Variants in CAMK4 observed in about 807,000 individuals in gnomAD.
CAMK4 encodes calcium/calmodulin dependent protein kinase IV, also known as calcium/calmodulin-dependent protein kinase type IV.
Under a neutral mutation model 44.9 loss-of-function variants are expected in CAMK4, and 22 were observed. The ratio of observed to expected loss-of-function variants is 0.49; its 90% CI spans 0.35 to 0.70. The LOEUF (loss-of-function observed/expected upper bound fraction) is 0.70. CAMK4 is among the 30% of genes least tolerant of loss of function. CAMK4 has a pLI of 0.01. For missense variants in CAMK4, 498 were observed against 586.8 expected, an observed-to-expected ratio of 0.85 and a Z score of 1.56; for synonymous variants, 218 against 215.4, an observed-to-expected ratio of 1.01 and a Z score of -0.11.
intron 6 of CAMK4, among the ~76,000 whole-genome samples, chr5:111,447,375 C>T (rs1214967253): frequency 6.6e-6 from 1 of 152,134 alleles, no homozygotes; most frequent in Non-Finnish European, 1.5e-5. Flanking sequence ...AAAAGTTAAA[C>T]AAGATTTGTA....
intron 1 of CAMK4, among the ~76,000 whole-genome samples, chr5:111,310,833 T>C (rs759124949): frequency 3.3e-5 from 5 of 152,176 alleles, no homozygotes; most frequent in Non-Finnish European, 7.4e-5. Flanking sequence ...ATGAAACATT[T>C]ATTTATGTGC....
intron 1 of CAMK4, among the ~76,000 whole-genome samples, chr5:111,311,730 T>C (rs1748212570): frequency 1.3e-5 from 2 of 152,192 alleles, no homozygotes; most frequent in Admixed American, 6.5e-5. Context: ...GACATCAAAT[T>C]GTTCTCAAAT....
rs148486855 is a variant in CAMK4 at position 111,243,337 on chromosome 5, G to A, written c.161+18693G>A. On this transcript the variant is annotated intron_variant, in intron 1 of 10. Coordinates refer to ENST00000282356, the MANE Select transcript of CAMK4 (RefSeq NM_001744.6). ...GTGATCAGGCATCACCTGGGGAAGA[G>A]TGAAGGATGAGGAACTTGATCAGAC... 9.6e-3 allele frequency among the ~76,000 whole-genome samples: 1,461 copies of A among 152,332 alleles called. 19 individuals carry two copies. The highest frequency in any genetic ancestry group is 0.016 in the Non-Finnish European group (1,078 of 68,036).
At chr5:111,333,388 A>G (rs1052354146) in intron 1 of CAMK4, among the ~76,000 whole-genome samples, 3 of 143,810 alleles carry the variant, frequency 2.1e-5, no homozygotes, top group African/African-American at 7.4e-5. Flanking sequence ...AGCTAACAAT[A>G]TGATGCATAA....
intron 5 of CAMK4, among the ~76,000 whole-genome samples, chr5:111,405,292 AC>A (rs1752379551): frequency 6.6e-6 from 1 of 152,076 alleles, no homozygotes; most frequent in Non-Finnish European, 1.5e-5. Flanking sequence ...ACGTGGTGAA[AC>A]CCCATCTCTA....
At chr5:111,467,106 A>C (rs1025480738) in intron 7 of CAMK4, among the ~76,000 whole-genome samples, 1 of 152,140 alleles carries the variant, frequency 6.6e-6, no homozygotes, top group African/African-American at 2.4e-5. Context: ...CTATTCGACA[A>C]ATGGTGATGG....
chr5:111,420,837 C>T (rs1452763133), intron 5 of CAMK4, among the ~76,000 whole-genome samples: 2 of 152,176 alleles, frequency 1.3e-5, no homozygotes, highest in African/African-American at 4.8e-5. Flanking sequence ...TGAACAATTG[C>T]TGTTATCCTG....
At chr5:111,223,610 C>G (rs537102461), upstream of CAMK4, 7 of 152,414 alleles carry the variant, frequency 4.6e-5, no homozygotes, top group East Asian at 1.4e-3. The surrounding 1 kb of genome is among the most constrained non-coding windows in gnomAD (Gnocchi z 4.3). Flanking sequence ...TCGACACAGC[C>G]AAGTATCTCC....
chr5:111,346,825 A>ACAAACAAACAAACAAG (rs1206975617), intron 2 of CAMK4, among the ~76,000 whole-genome samples: 1 of 140,158 alleles, frequency 7.1e-6, no homozygotes, highest in African/African-American at 2.5e-5. Context: ...AGTGTGCAAA[A>ACAAACAAACAAACAAG]CAAACAAACA....
intron 2 of CAMK4, among the ~76,000 whole-genome samples, chr5:111,368,830 C>A (rs1020194773): frequency 1.3e-5 from 2 of 151,964 alleles, no homozygotes; most frequent in Non-Finnish European, 2.9e-5. Context: ...CCCTTCTCAG[C>A]CTCCACCAAA....
chr5:111,237,174 A>C (rs1005330058), intron 1 of CAMK4, among the ~76,000 whole-genome samples: 3 of 152,158 alleles, frequency 2.0e-5, no homozygotes, highest in African/African-American at 7.2e-5. Flanking sequence ...GTAATATATC[A>C]GTTGCACCCA....
At chr5:111,451,992 C>T (rs1019640875) in intron 7 of CAMK4, among the ~76,000 whole-genome samples, 3 of 152,250 alleles carry the variant, frequency 2.0e-5, no homozygotes, top group African/African-American at 7.2e-5. Flanking sequence ...TTCTCTTGTA[C>T]TCTTCTATGT....
intron 2 of CAMK4, among the ~76,000 whole-genome samples, chr5:111,365,667 G>C (rs1750764070): frequency 6.6e-6 from 1 of 152,030 alleles, no homozygotes; most frequent in Non-Finnish European, 1.5e-5. Flanking sequence ...GAGCAAGAAG[G>C]ATGTCTATCC....
At chr5:111,321,849 T>A (rs1748676461) in intron 1 of CAMK4, among the ~76,000 whole-genome samples, 1 of 152,216 alleles carries the variant, frequency 6.6e-6, no homozygotes, top group African/African-American at 2.4e-5. Context: ...TGCCCTTAAA[T>A]AGATTTATCA....
At chr5:111,350,038 T>A (rs1750027629) in intron 2 of CAMK4, among the ~76,000 whole-genome samples, 1 of 151,948 alleles carries the variant, frequency 6.6e-6, no homozygotes, top group African/African-American at 2.4e-5. Flanking sequence ...AGTAGTGGGG[T>A]GATGTTGTGG....
intron 1 of CAMK4, among the ~76,000 whole-genome samples, chr5:111,331,245 T>C (rs913293681): frequency 2.1e-5 from 3 of 145,566 alleles, no homozygotes; most frequent in Non-Finnish European, 3.0e-5. Flanking sequence ...AACATAAAAA[T>C]AATAAAAACA....
At chr5:111,463,748 C>T (rs1424694724) in intron 7 of CAMK4, among the ~76,000 whole-genome samples, 1 of 152,180 alleles carries the variant, frequency 6.6e-6, no homozygotes, top group Admixed American at 6.5e-5. Context: ...TAATAACAAG[C>T]ACTGCAGTTT....
At chr5:111,246,742 T>G (rs1749258674) in intron 1 of CAMK4, among the ~76,000 whole-genome samples, 1 of 152,166 alleles carries the variant, frequency 6.6e-6, no homozygotes, top group Non-Finnish European at 1.5e-5. Context: ...TAGGCCCAGA[T>G]TACCACCACA....
chr5:111,321,260 A>G (rs1337687436), intron 1 of CAMK4, among the ~76,000 whole-genome samples: 2 of 152,126 alleles, frequency 1.3e-5, no homozygotes, highest in African/African-American at 4.8e-5. Context: ...ATGCTGCTGG[A>G]CACAAGAAGG....
Sources: gnomAD v4.1 joint callset for allele counts (sites outside exome capture counted in the v4.1 genomes callset) on GRCh38, gnomAD v4.1.1 for gene constraint, Gnocchi (gnomAD v3.1) non-coding constraint, MANE v1.5 for transcripts, NCBI Gene and HGNC (gene_info 2026-07-23, HGNC 2026-07-21) for gene names.